SULT1B1: variants seen among roughly 807,000 people sequenced by gnomAD.
SULT1B1 encodes sulfotransferase 1B1.
SULT1B1 carries 28 observed loss-of-function variants against 34.6 expected under a neutral mutation model. That is an observed-to-expected ratio of 0.81 (90% CI 0.60 to 1.11). The LOEUF (loss-of-function observed/expected upper bound fraction) is 1.11, where lower values mean the gene tolerates loss of function less well. Ranked by LOEUF, SULT1B1 falls within the 50% of genes least tolerant of loss-of-function variation. The pLI, the probability that SULT1B1 is intolerant of heterozygous loss-of-function variation, is 0.00. For missense variants in SULT1B1, 374 were observed against 352.2 expected (o/e 1.06, Z -0.50); for synonymous variants, 147 against 110.2 (o/e 1.33, Z -2.09).
Position 69,724,494 on chromosome 4 carries a change from C to G in SULT1B1, c.*2594G>C, listed in dbSNP as rs1289062544. The G allele has an allele frequency of 6.6e-6, 1 of 152,186 alleles. No homozygotes were observed. Among genetic ancestry groups the G allele is most frequent in the Non-Finnish European group, 1.5e-5 (1 of 68,042 alleles). 9.4% of individuals were successfully genotyped at this position (152,186 alleles called of 1,614,324 possible). ...GCCATCCCCATTAAGCTACCAATGA[C>G]TTTCTTCACAGAATTGGAAAAAACT... On this transcript the variant is annotated 3_prime_UTR_variant, in exon 8 of 8. Coordinates refer to ENST00000310613, the MANE Select transcript of SULT1B1 (RefSeq NM_014465.4).
At chr4:69,739,850 G>T (rs926433986) in intron 4 of SULT1B1, among the ~76,000 whole-genome samples, 47 of 152,174 alleles carry the variant, frequency 3.1e-4, no homozygotes, top group Admixed American at 3.0e-3. Context: ...CTAGGGCAGA[G>T]GCAAAATGCT....
intron 5 of SULT1B1, 113 bp downstream of exon 5, chr4:69,734,025 A>G (rs1196870438): frequency 2.2e-6 from 2 of 921,946 alleles, no homozygotes; most frequent in Non-Finnish European, 3.0e-6. Flanking sequence ...TAATATTTGA[A>G]CATACTTTTC....
intron 3 of SULT1B1, 99 bp downstream of exon 3, chr4:69,754,571 C>A: frequency 1.6e-6 from 2 of 1,260,014 alleles, no homozygotes; most frequent in Non-Finnish European, 1.1e-6. Flanking sequence ...TTTTATGTCA[C>A]CAAATCTACT....
intron 4 of SULT1B1, among the ~76,000 whole-genome samples, chr4:69,743,041 A>T (rs992771461): frequency 3.9e-5 from 6 of 152,200 alleles, no homozygotes; most frequent in Admixed American, 1.3e-4. Context: ...GGGAGCTCCT[A>T]GGTTTGGGCT....
chr4:69,750,654 C>T (rs918959664), intron 3 of SULT1B1, among the ~76,000 whole-genome samples: 1 of 152,166 alleles, frequency 6.6e-6, no homozygotes, highest in African/African-American at 2.4e-5. Flanking sequence ...ACTGCATATG[C>T]TAAGAAGTCA....
At chr4:69,738,926 A>G (rs1479888848) in intron 4 of SULT1B1, among the ~76,000 whole-genome samples, 5 of 152,200 alleles carry the variant, frequency 3.3e-5, no homozygotes, top group Non-Finnish European at 7.3e-5. Context: ...GCTCCATTCA[A>G]GACAAATCCA....
At chr4:69,744,685 T>G (rs544806509) in intron 4 of SULT1B1, among the ~76,000 whole-genome samples, 1 of 152,342 alleles carries the variant, frequency 6.6e-6, no homozygotes, top group South Asian at 2.1e-4. Context: ...CTTTTGTTTT[T>G]GTTGATTTTT....
intron 4 of SULT1B1, among the ~76,000 whole-genome samples, chr4:69,745,697 A>G (rs775729909): frequency 1.3e-5 from 2 of 152,170 alleles, no homozygotes; most frequent in African/African-American, 2.4e-5. Context: ...TTGCTCATTT[A>G]GCCCATTTGT....
At chr4:69,757,148 G>T (rs1192679711) in intron 1 of SULT1B1, among the ~76,000 whole-genome samples, 8 of 152,002 alleles carry the variant, frequency 5.3e-5, no homozygotes, top group South Asian at 4.1e-4. Context: ...TTTTAATAAT[G>T]TTTTTTCATT....
At chr4:69,734,980 G>C (rs1377314165) in intron 4 of SULT1B1, among the ~76,000 whole-genome samples, 1 of 151,924 alleles carries the variant, frequency 6.6e-6, no homozygotes, top group Non-Finnish European at 1.5e-5. Flanking sequence ...CACCACGCCT[G>C]GCTAATTTTT....
chr4:69,729,701 G>A (rs1321850897), intron 7 of SULT1B1, among the ~76,000 whole-genome samples: 2 of 151,906 alleles, frequency 1.3e-5, no homozygotes, highest in Non-Finnish European at 2.9e-5. Context: ...CTGTTAATAT[G>A]CATAATACAT....
intron 3 of SULT1B1, among the ~76,000 whole-genome samples, chr4:69,751,841 C>G (rs1177445202): frequency 4.6e-5 from 7 of 152,190 alleles, no homozygotes; most frequent in African/African-American, 1.7e-4. Flanking sequence ...TCCTCCCTCT[C>G]TATCCCCAAT....
chr4:69,760,232 C>T, intron 1 of SULT1B1: 1 of 984,702 alleles, frequency 1.0e-6, no homozygotes, highest in Non-Finnish European at 1.2e-6. Flanking sequence ...ACCTCCATTC[C>T]TTGCATGCTT....
chr4:69,733,829 C>T (rs1267525360), intron 5 of SULT1B1, among the ~76,000 whole-genome samples: 1 of 152,054 alleles, frequency 6.6e-6, no homozygotes. Context: ...ATGACATATG[C>T]ATTAACAGAT....
chr4:69,753,857 A>C (rs544132648), intron 3 of SULT1B1, among the ~76,000 whole-genome samples: 1 of 152,314 alleles, frequency 6.6e-6, no homozygotes, highest in South Asian at 2.1e-4. Flanking sequence ...CCAGCTCTTC[A>C]GACTGTGTTC....
chr4:69,759,498 T>C (rs1354413686), intron 1 of SULT1B1, among the ~76,000 whole-genome samples: 2 of 152,164 alleles, frequency 1.3e-5, no homozygotes, highest in Non-Finnish European at 2.9e-5. Context: ...AAGGCAGCTG[T>C]TTGTGAATAT....
chr4:69,744,851 T>C (rs1422721441), intron 4 of SULT1B1, among the ~76,000 whole-genome samples: 1 of 152,192 alleles, frequency 6.6e-6, no homozygotes, highest in Non-Finnish European at 1.5e-5. Context: ...AACTTCTTGA[T>C]GTAGGTATTT....
chr4:69,741,383 A>G (rs1338890320), intron 4 of SULT1B1, among the ~76,000 whole-genome samples: 9 of 152,130 alleles, frequency 5.9e-5, no homozygotes, highest in Admixed American at 5.2e-4. Flanking sequence ...TTTGTTCCAT[A>G]TGAATTTTAA....
intron 4 of SULT1B1, among the ~76,000 whole-genome samples, chr4:69,748,010 A>G (rs1718824232): frequency 6.6e-6 from 1 of 152,032 alleles, no homozygotes; most frequent in Admixed American, 6.6e-5. Context: ...TCCAGAATTC[A>G]TCTAGTCAAC....
Sources: allele counts gnomAD v4.1 joint callset (sites outside exome capture counted in the v4.1 genomes callset), GRCh38; gene constraint gnomAD v4.1.1; transcripts MANE v1.5; gene names NCBI Gene and HGNC (gene_info 2026-07-23, HGNC 2026-07-21).